Variants in SLC16A7 observed in about 807,000 individuals in gnomAD.
SLC16A7 encodes the protein solute carrier family 16 member 7, also known as monocarboxylate transporter 2.
SLC16A7 carries 33 observed loss-of-function variants against 34.9 expected under a neutral mutation model. The ratio of observed to expected loss-of-function variants is 0.94; its 90% CI spans 0.72 to 1.26. SLC16A7 has a LOEUF of 1.26. Among genes scored for constraint, SLC16A7 ranks in the 50% most tolerant of loss-of-function variants. SLC16A7 has a pLI of 0.00. For missense variants in SLC16A7, 573 were observed against 578.1 expected (o/e 0.99, Z 0.09); for synonymous variants, 201 against 206.6 (o/e 0.97, Z 0.23).
In SLC16A7 at chr12:59,789,389, G is replaced by A. The variant is rs1490863074; in HGVS notation, c.*9710G>A. On this transcript the variant is annotated 3_prime_UTR_variant, in exon 6 of 6. Coordinates refer to ENST00000547379, the MANE Select transcript of SLC16A7 (RefSeq NM_001270623.2). ...CTTTTTATTTTGTCAAACATTCTAT[G>A]CAAATATTGAAATATGCAACAGCTA... The A allele has an allele frequency of 6.6e-6, 1 of 152,062 alleles. No homozygotes were observed. Among genetic ancestry groups the A allele is most frequent in the Non-Finnish European group, 1.5e-5 (1 of 67,994 alleles). 9.4% of individuals were successfully genotyped at this position (152,062 alleles called of 1,614,324 possible). A position where few individuals can be genotyped will look rare whatever the true frequency, so the allele number is the denominator to read the frequency against.
At chr12:59,710,532 A>G (rs1010434472) in intron 3 of SLC16A7, among the ~76,000 whole-genome samples, 2 of 152,210 alleles carry the variant, frequency 1.3e-5, no homozygotes, top group Non-Finnish European at 2.9e-5. Context: ...CTGATAATCT[A>G]GTACAAATAA....
intron 1 of SLC16A7, among the ~76,000 whole-genome samples, chr12:59,622,718 G>A (rs1879747715): frequency 6.6e-6 from 1 of 151,748 alleles, no homozygotes; most frequent in African/African-American, 2.4e-5. Context: ...TGCACTGGTA[G>A]AAATATTTTA....
intron 2 of SLC16A7, among the ~76,000 whole-genome samples, chr12:59,704,306 A>G (rs1170752543): frequency 6.6e-6 from 1 of 152,136 alleles, no homozygotes; most frequent in Non-Finnish European, 1.5e-5. Flanking sequence ...AAGCAATAAA[A>G]AAAGCCAATA....
intron 3 of SLC16A7, chr12:59,761,076 TATG>T: frequency 1.3e-6 from 1 of 782,730 alleles, no homozygotes; most frequent in Non-Finnish European, 1.9e-6. Flanking sequence ...GTCTTGACAA[TATG>T]ATATTTAATT....
chr12:59,774,646 G>A lies in SLC16A7; in HGVS notation c.362-11G>A, dbSNP rs1882554812. ...TTGTGTTTTCCCCCACTTTTGTTTT[G>A]TTCTTTTTAGGTTTAGGTTTAGCCT... On this transcript the variant is annotated splice_polypyrimidine_tract_variant and intron_variant, in intron 4 of 5. Transcript: ENST00000547379. 1 of 1,529,338 alleles carries A rather than the reference G, an allele frequency of 6.5e-7. No homozygotes were observed. Among genetic ancestry groups the A allele is most frequent in the Non-Finnish European group, 8.8e-7 (1 of 1,135,692 alleles). The allele number at this position is 1,529,338 out of a possible 1,614,324, so 94.7% of individuals were successfully genotyped here.
At chr12:59,744,859 C>G (rs1164487600) in intron 3 of SLC16A7, among the ~76,000 whole-genome samples, 1 of 152,138 alleles carries the variant, frequency 6.6e-6, no homozygotes, top group East Asian at 1.9e-4. Flanking sequence ...TGTGCACTCC[C>G]TCTTGCGAGG....
chr12:59,704,732 G>GA, intron 2 of SLC16A7, 40 bp from the exon 3 acceptor site: 1 of 1,045,010 alleles, frequency 9.6e-7, no homozygotes. Flanking sequence ...AACAAAAGGG[G>GA]AAATAAAATT....
chr12:59,777,429 A>T (rs1882868640), intron 5 of SLC16A7, among the ~76,000 whole-genome samples: 1 of 152,154 alleles, frequency 6.6e-6, no homozygotes, highest in Admixed American at 6.6e-5. Flanking sequence ...GTTACGTCTT[A>T]CATAGTTGCA....
intron 3 of SLC16A7, among the ~76,000 whole-genome samples, chr12:59,755,000 C>CA (rs1251494013): frequency 6.6e-6 from 1 of 152,084 alleles, no homozygotes; most frequent in African/African-American, 2.4e-5. Flanking sequence ...GAACCAAAGA[C>CA]AAAAAACACA....
chr12:59,753,385 G>A (rs1262794055), intron 3 of SLC16A7, among the ~76,000 whole-genome samples: 1 of 152,080 alleles, frequency 6.6e-6, no homozygotes, highest in African/African-American at 2.4e-5. Flanking sequence ...GACACACATA[G>A]GCTCAAAATA....
Position 59,783,373 on chromosome 12 carries a change from C to G in SLC16A7, c.*3694C>G, listed in dbSNP as rs1159644928. On this transcript the variant is annotated 3_prime_UTR_variant, in exon 6 of 6. Coordinates refer to ENST00000547379, the MANE Select transcript of SLC16A7 (RefSeq NM_001270623.2). ...GCTTGATATGACAGATGAGTGAAAA[C>G]AAAAAACAAGCTCAGCAGACTACCC... 6.6e-6 allele frequency: 1 copy of G among 151,910 alleles called. No homozygotes were observed. The highest frequency in any genetic ancestry group is 1.5e-5 in the Non-Finnish European group (1 of 67,950). The allele number at this position is 151,910 out of a possible 1,614,324, so 9.4% of individuals were successfully genotyped here.
In SLC16A7 at chr12:59,780,665, CT is replaced by C. The variant is rs1883182067; in HGVS notation, c.*987del. 1.3e-5 allele frequency: 2 copies of C among 152,198 alleles called. No homozygotes were observed. Among genetic ancestry groups the C allele is most frequent in the South Asian group, 4.1e-4 (2 of 4,822 alleles). 9.4% of individuals were successfully genotyped at this position (152,198 alleles called of 1,614,324 possible). On this transcript the variant is annotated 3_prime_UTR_variant, in exon 6 of 6. Transcript: ENST00000547379. ...GCATCAATCCAGATTCACTGTTATA[CT>C]GAAATATCAAAGTAAAATCCTAGTT...
At chr12:59,716,839 CTG>C (rs1565669519) in intron 3 of SLC16A7, among the ~76,000 whole-genome samples, 1 of 152,170 alleles carries the variant, frequency 6.6e-6, no homozygotes, top group African/African-American at 2.4e-5. Flanking sequence ...GAGCAAGACT[CTG>C]TCTCACAATA....
chr12:59,698,983 A>G (rs1265569943), intron 2 of SLC16A7, among the ~76,000 whole-genome samples: 1 of 151,760 alleles, frequency 6.6e-6, no homozygotes, highest in African/African-American at 2.4e-5. Flanking sequence ...AATTGGATAA[A>G]ATGTATTATG....
At chr12:59,748,912 C>A (rs189476227) in intron 3 of SLC16A7, among the ~76,000 whole-genome samples, 5 of 152,230 alleles carry the variant, frequency 3.3e-5, no homozygotes, top group Admixed American at 3.3e-4. Flanking sequence ...TTAATACCAG[C>A]AAACTGTGGT....
At chr12:59,773,726 G>A (rs12827420) in intron 4 of SLC16A7, among the ~76,000 whole-genome samples, 11,588 of 151,936 alleles carry the variant, frequency 0.076, 533 homozygotes, top group South Asian at 0.17. Flanking sequence ...CACCACACCC[G>A]GCTAATTTTT....
At chr12:59,751,793 G>T (rs1284208377) in intron 3 of SLC16A7, among the ~76,000 whole-genome samples, 4 of 152,222 alleles carry the variant, frequency 2.6e-5, no homozygotes, top group Non-Finnish European at 5.9e-5. Context: ...AGATTGGGCA[G>T]ACTGCCTCCT....
At position 59,771,200 on chromosome 12, in the gene SLC16A7, T is replaced by TATC; in HGVS notation, c.218-18_218-16dup. 1 of 1,599,436 alleles carries TATC rather than the reference T, an allele frequency of 6.3e-7. No individual in the cohort carries two copies. The highest frequency in any genetic ancestry group is 1.8e-5 in the Admixed American group (1 of 56,896). ...TGACAAGAGCAACTGAGTATTTCTTTATCTCCTCTCTGCTGTAGGTCCTGT... is the reference window on the plus strand; with the variant it reads ...TGACAAGAGCAACTGAGTATTTCTTTATCATCTCCTCTCTGCTGTAGGTCCTGT... On this transcript the variant is annotated intron_variant, in intron 3 of 5. Coordinates refer to ENST00000547379, the MANE Select transcript of SLC16A7 (RefSeq NM_001270623.2).
intron 3 of SLC16A7, among the ~76,000 whole-genome samples, chr12:59,707,962 T>C (rs1873781925): frequency 6.6e-6 from 1 of 152,182 alleles, no homozygotes; most frequent in Admixed American, 6.6e-5. Flanking sequence ...TTACCTGCCA[T>C]GTCCACTGTT....
Sources: allele counts gnomAD v4.1 joint callset (sites outside exome capture counted in the v4.1 genomes callset), GRCh38; gene constraint gnomAD v4.1.1; transcripts MANE v1.5; gene names NCBI Gene and HGNC (gene_info 2026-07-23, HGNC 2026-07-21).